The following TBC1D22A variants were observed in gnomAD, a reference collection of about 807,000 sequenced individuals.
TBC1D22A encodes TBC1 domain family member 22A, also known as putative GTPase activator.
TBC1D22A carries 38 observed loss-of-function variants against 60.2 expected under a neutral mutation model. The ratio of observed to expected loss-of-function variants is 0.63; its 90% CI spans 0.49 to 0.83. The LOEUF (loss-of-function observed/expected upper bound fraction) is 0.83, where lower values mean the gene tolerates loss of function less well. TBC1D22A is among the 40% of genes least tolerant of loss of function. TBC1D22A has a pLI of 0.00. For missense variants in TBC1D22A, 628 were observed against 701.0 expected, an observed-to-expected ratio of 0.90 and a Z score of 1.18; for synonymous variants, 302 against 281.7, an observed-to-expected ratio of 1.07 and a Z score of -0.72.
Position 47,051,030 on chromosome 22 carries a change from G to GGGC in TBC1D22A, c.1329+13839_1329+13841dup, listed in dbSNP as rs1233950136. ...TCCCTTTGCTAAGGAGACCCTGTCTGGGCGGCGGCTCTGGGGCTTCCCCAG... is the reference window on the plus strand; with the variant it reads ...TCCCTTTGCTAAGGAGACCCTGTCTGGGCGGCGGCGGCTCTGGGGCTTCCCCAG... On this transcript the variant is annotated intron_variant, in intron 11 of 12. Transcript: ENST00000337137. Among the ~76,000 whole-genome samples, 4 of 152,330 alleles carry GGGC rather than the reference G, an allele frequency of 2.6e-5. No individual in the cohort carries two copies. The East Asian group carries it at 7.7e-4, about 29-fold the overall frequency.
At chr22:47,125,135 C>T (rs781041983) in intron 12 of TBC1D22A, among the ~76,000 whole-genome samples, 4 of 152,098 alleles carry the variant, frequency 2.6e-5, no homozygotes, top group Non-Finnish European at 5.9e-5. Context: ...AGGCAAGGGG[C>T]GACATCTCTG....
At chr22:46,998,433 A>G (rs2075194301) in intron 10 of TBC1D22A, among the ~76,000 whole-genome samples, 1 of 152,186 alleles carries the variant, frequency 6.6e-6, no homozygotes, top group Non-Finnish European at 1.5e-5. Context: ...TGTGGAAAAG[A>G]GACATGCTCT....
At chr22:46,814,223 A>G (rs73468721) in intron 4 of TBC1D22A, among the ~76,000 whole-genome samples, 3,155 of 152,358 alleles carry the variant, frequency 0.021, 103 homozygotes, top group African/African-American at 0.072. Flanking sequence ...AATAGAATCT[A>G]ATGCTATGTG....
chr22:46,836,183 A>G (rs963252209), intron 4 of TBC1D22A, among the ~76,000 whole-genome samples: 1 of 152,264 alleles, frequency 6.6e-6, no homozygotes, highest in South Asian at 2.1e-4. Context: ...ATACCTCAAT[A>G]TTGTAATGAT....
chr22:46,841,637 T>G (rs749210024), intron 4 of TBC1D22A, among the ~76,000 whole-genome samples: 34 of 152,162 alleles, frequency 2.2e-4, no homozygotes, highest in Non-Finnish European at 4.3e-4. Flanking sequence ...TCCAAAAAAA[T>G]TGCCTTCCTG....
At chr22:46,981,793 T>C (rs2074522455) in intron 9 of TBC1D22A, among the ~76,000 whole-genome samples, 2 of 152,220 alleles carry the variant, frequency 1.3e-5, no homozygotes, top group African/African-American at 4.8e-5. Flanking sequence ...AGTATGAAAG[T>C]GGACTAATAC....
At chr22:47,168,476 G>A (rs568666115) in intron 12 of TBC1D22A, among the ~76,000 whole-genome samples, 2 of 152,256 alleles carry the variant, frequency 1.3e-5, no homozygotes, top group African/African-American at 2.4e-5. Flanking sequence ...GAAGTAGATG[G>A]TGGAGATGCT....
chr22:46,786,856 T>G (rs759401031), intron 1 of TBC1D22A, among the ~76,000 whole-genome samples: 8 of 151,868 alleles, frequency 5.3e-5, no homozygotes, highest in Non-Finnish European at 1.0e-4. Flanking sequence ...GCCCACTAGT[T>G]TTTTGGTTTT....
chr22:46,917,613 G>T (rs1227369083), intron 8 of TBC1D22A, among the ~76,000 whole-genome samples: 1 of 152,218 alleles, frequency 6.6e-6, no homozygotes, highest in African/African-American at 2.4e-5. Flanking sequence ...AGTGTGCTCT[G>T]TCGGCAGTGA....
intron 1 of TBC1D22A, among the ~76,000 whole-genome samples, chr22:46,792,187 C>T (rs2084440266): frequency 1.3e-5 from 2 of 152,260 alleles, no homozygotes; most frequent in Admixed American, 1.3e-4. Context: ...GCAGAGGCCT[C>T]AGTTCCTTCA....
chr22:47,114,309 G>A (rs2065953981), intron 12 of TBC1D22A, among the ~76,000 whole-genome samples: 1 of 152,062 alleles, frequency 6.6e-6, no homozygotes, highest in African/African-American at 2.4e-5. Flanking sequence ...CTGAGAGCCT[G>A]TGGGGCCCCT....
chr22:47,139,192 TC>T (rs1325867013), intron 12 of TBC1D22A, among the ~76,000 whole-genome samples: 1 of 152,174 alleles, frequency 6.6e-6, no homozygotes, highest in African/African-American at 2.4e-5. Flanking sequence ...CAGTCACCGT[TC>T]CGCTCCTGCA....
At chr22:46,869,967 A>G (rs1404395661) in intron 4 of TBC1D22A, among the ~76,000 whole-genome samples, 2 of 152,200 alleles carry the variant, frequency 1.3e-5, no homozygotes, top group Non-Finnish European at 2.9e-5. Context: ...TCCAATTAGA[A>G]TGAATGAGTC....
chr22:46,794,394 G>C (rs2084561121), intron 3 of TBC1D22A, among the ~76,000 whole-genome samples: 1 of 152,252 alleles, frequency 6.6e-6, no homozygotes, highest in African/African-American at 2.4e-5. Flanking sequence ...CCCCTCGGGT[G>C]GGGTCGTGTC....
At chr22:47,058,409 C>A (rs1374962461) in intron 11 of TBC1D22A, among the ~76,000 whole-genome samples, 1 of 152,132 alleles carries the variant, frequency 6.6e-6, no homozygotes, top group African/African-American at 2.4e-5. Context: ...GCCAGCCCTG[C>A]GAGAACGAGT....
intron 5 of TBC1D22A, among the ~76,000 whole-genome samples, chr22:46,879,088 C>T (rs1213521337): frequency 1.3e-5 from 2 of 149,750 alleles, no homozygotes; most frequent in Non-Finnish European, 3.0e-5. Context: ...TTCAAATATG[C>T]TGAAAACAAG....
chr22:47,100,692 T>C (rs1262513496), intron 11 of TBC1D22A, among the ~76,000 whole-genome samples: 1 of 152,220 alleles, frequency 6.6e-6, no homozygotes, highest in African/African-American at 2.4e-5. Flanking sequence ...CCTTCCGCCA[T>C]GATTGTAAGG....
At position 47,009,896 on chromosome 22, in the gene TBC1D22A, C is replaced by A. The variant is rs1448847618; in HGVS notation, c.1201+12187C>A. Among the ~76,000 whole-genome samples the A allele has an allele frequency of 6.6e-6, 1 of 152,236 alleles. No individual in the cohort carries two copies. The highest frequency in any genetic ancestry group is 1.5e-5 in the Non-Finnish European group (1 of 68,054). ...TCCTGAGGCAGCCTCTTCTGTCCAG[C>A]CCCCAGGGAGGTTGGTTGGAGTGGA... On this transcript the variant is annotated intron_variant, in intron 10 of 12. Coordinates refer to ENST00000337137, the MANE Select transcript of TBC1D22A (RefSeq NM_014346.5). This position sits in a 1 kb window ranked among gnomAD's most constrained non-coding sequence, Gnocchi z 5.8.
intron 12 of TBC1D22A, among the ~76,000 whole-genome samples, chr22:47,147,990 C>T (rs2067348493): frequency 6.6e-6 from 1 of 152,180 alleles, no homozygotes; most frequent in Non-Finnish European, 1.5e-5. Context: ...CACCAGGCTC[C>T]TCCTTCCTCC....
Sources: gnomAD v4.1 joint callset for allele counts (sites outside exome capture counted in the v4.1 genomes callset) on GRCh38, gnomAD v4.1.1 for gene constraint, Gnocchi (gnomAD v3.1) non-coding constraint, MANE v1.5 for transcripts, NCBI Gene and HGNC (gene_info 2026-07-23, HGNC 2026-07-21) for gene names.